GABRB1: variants seen among roughly 807,000 people sequenced by gnomAD.
GABRB1 encodes the protein gamma-aminobutyric acid type A receptor subunit beta1.
In GABRB1, 17 loss-of-function variants were observed where a neutral mutation model predicts 51.6. The ratio of observed to expected loss-of-function variants is 0.33; its 90% CI spans 0.23 to 0.49. GABRB1 has a LOEUF of 0.49. Ranked by LOEUF, GABRB1 falls within the 20% of genes least tolerant of loss-of-function variation. The probability of loss-of-function intolerance (pLI) is 0.99; values close to 1 mark genes in which losing one functional copy is unlikely to be tolerated. For synonymous variants in GABRB1, 247 were observed against 218.9 expected, an observed-to-expected ratio of 1.13 and a Z score of -1.14; for missense variants, 410 against 600.6, an observed-to-expected ratio of 0.68 and a Z score of 3.32.
intron 7 of GABRB1, among the ~76,000 whole-genome samples, chr4:47,405,913 A>G (rs907033204): frequency 6.6e-6 from 1 of 152,180 alleles, no homozygotes; most frequent in Admixed American, 6.5e-5. Context: ...ATAAAACAAA[A>G]TCTGTCTTTT....
chr4:47,251,430 C>T (rs796573981), intron 4 of GABRB1, among the ~76,000 whole-genome samples: 32 of 152,222 alleles, frequency 2.1e-4, no homozygotes, highest in African/African-American at 7.0e-4. Flanking sequence ...GGCCTCCTGC[C>T]AGGAGGTGGT....
intron 5 of GABRB1, among the ~76,000 whole-genome samples, chr4:47,342,319 G>A (rs562341770): frequency 6.6e-6 from 1 of 152,172 alleles, no homozygotes; most frequent in African/African-American, 2.4e-5. Context: ...TGGAATTTCT[G>A]TAATTCACTG....
intron 4 of GABRB1, among the ~76,000 whole-genome samples, chr4:47,222,488 A>C (rs1720803067): frequency 6.6e-6 from 1 of 152,104 alleles, no homozygotes; most frequent in Admixed American, 6.6e-5. Flanking sequence ...GCATCTCTGC[A>C]TTAGGCCTTG....
rs537216616 is a variant in GABRB1 at position 47,153,255 on chromosome 4, A to T, written c.241-7994A>T. On this transcript the variant is annotated intron_variant, in intron 3 of 8. Coordinates refer to ENST00000295454, the MANE Select transcript of GABRB1 (RefSeq NM_000812.4). ...ACAACCATTAAAAGTTGAAAGAATG[A>T]ATTAGCCATTCTAACAAGCTAAAAT... Among the ~76,000 whole-genome samples the T allele has an allele frequency of 2.6e-5, 4 of 152,162 alleles. No homozygotes were observed. The South Asian group carries it at 8.3e-4, about 32-fold the overall frequency.
At chr4:47,126,875 G>T (rs1299200844) in intron 3 of GABRB1, among the ~76,000 whole-genome samples, 1 of 151,980 alleles carries the variant, frequency 6.6e-6, no homozygotes, top group African/African-American at 2.4e-5. Flanking sequence ...AGCCAAACCA[G>T]TAGAAAGAGG....
intron 3 of GABRB1, among the ~76,000 whole-genome samples, chr4:47,053,590 C>T (rs1023520959): frequency 1.3e-5 from 2 of 152,172 alleles, no homozygotes; most frequent in Admixed American, 6.5e-5. Flanking sequence ...AAACATTCAG[C>T]TATAGCAGTC....
chr4:47,318,705 CT>C (rs1461160254), intron 4 of GABRB1, among the ~76,000 whole-genome samples: 1 of 152,060 alleles, frequency 6.6e-6, no homozygotes, highest in Non-Finnish European at 1.5e-5. Flanking sequence ...TCCATTTTCT[CT>C]TGCCTGGGAT....
chr4:47,362,313 G>A (rs2110010804), intron 5 of GABRB1, among the ~76,000 whole-genome samples: 1 of 152,212 alleles, frequency 6.6e-6, no homozygotes, highest in Non-Finnish European at 1.5e-5. Flanking sequence ...AATGGACACA[G>A]GAATTATGGA....
At chr4:47,339,431 T>G (rs1725805797) in intron 5 of GABRB1, among the ~76,000 whole-genome samples, 1 of 152,200 alleles carries the variant, frequency 6.6e-6, no homozygotes, top group South Asian at 2.1e-4. Flanking sequence ...TTCAGTGCCC[T>G]GGAAGTTACT....
chr4:46,998,209 T>C (rs1459961685), intron 1 of GABRB1, among the ~76,000 whole-genome samples: 1 of 152,202 alleles, frequency 6.6e-6, no homozygotes, highest in East Asian at 1.9e-4. Flanking sequence ...ATTGTGACAA[T>C]ACTATTATCT....
intron 3 of GABRB1, among the ~76,000 whole-genome samples, chr4:47,138,057 A>G (rs1257953804): frequency 1.3e-5 from 2 of 152,102 alleles, no homozygotes; most frequent in African/African-American, 4.8e-5. Flanking sequence ...TGTTTTGTTG[A>G]TATGTATTCA....
chr4:47,383,486 T>C (rs2110031590), intron 5 of GABRB1, among the ~76,000 whole-genome samples: 1 of 151,952 alleles, frequency 6.6e-6, no homozygotes, highest in Non-Finnish European at 1.5e-5. Context: ...TGATAGATTA[T>C]ACCTAAAAAA....
chr4:47,161,250 A>T lies in GABRB1; in HGVS notation c.242A>T (p.Asp81Val). 1 of 1,576,476 alleles carries T rather than the reference A, an allele frequency of 6.3e-7. No homozygotes were observed. The highest frequency in any genetic ancestry group is 8.7e-7 in the Non-Finnish European group (1 of 1,151,044). ...SIDMVSEVNM[D>V]YTLTMYFQQS... ...TTTTTTGCTTTCTTTATTTCACAGG[A>T]TTATACACTCACCATGTATTTCCAG... The change falls in exon 4 of 9, where the codon GAT becomes GTT. Residue 81 changes from aspartate to valine, a missense_variant and splice_region_variant. By Grantham distance (152) the Asp-to-Val change is radical (BLOSUM62 -3). This residue lies in a region of GABRB1 where 100 missense variants were observed against 184.3 expected (regional missense o/e 0.54). Transcript: ENST00000295454.
intron 4 of GABRB1, among the ~76,000 whole-genome samples, chr4:47,223,843 C>CTG (rs916611923): frequency 1.3e-5 from 2 of 152,232 alleles, no homozygotes; most frequent in African/African-American, 4.8e-5. Flanking sequence ...ATTGAGAAAT[C>CTG]TGTCTTCAGT....
At chr4:47,111,992 C>T (rs1166195583) in intron 3 of GABRB1, among the ~76,000 whole-genome samples, 5 of 133,920 alleles carry the variant, frequency 3.7e-5, no homozygotes, top group African/African-American at 5.7e-5. Context: ...TTTTATGAGA[C>T]GGAATCTCGT....
intron 8 of GABRB1, among the ~76,000 whole-genome samples, chr4:47,413,850 C>T (rs1426474523): frequency 6.6e-6 from 1 of 152,198 alleles, no homozygotes; most frequent in African/African-American, 2.4e-5. Flanking sequence ...TAGATCCAGA[C>T]ATTCGGAGAG....
At chr4:47,388,629 C>T (rs1056324638) in intron 5 of GABRB1, among the ~76,000 whole-genome samples, 19 of 152,226 alleles carry the variant, frequency 1.2e-4, no homozygotes, top group African/African-American at 4.6e-4. Flanking sequence ...ACCTTGGGGA[C>T]AGGTCTGTGC....
rs186567238 is a variant in GABRB1, at chr4:47,311,609, C to T, written c.462-8518C>T. On this transcript the variant is annotated intron_variant, in intron 4 of 8. Transcript: ENST00000295454. ...CAGATAAATAAGTTCTCCCTTAGAG[C>T]CTCCAGGAGGAACACAGCCCTGCTA... is the stretch of plus-strand genomic sequence containing the variant. Among the ~76,000 whole-genome samples the T allele has an allele frequency of 3.5e-4, 54 of 152,162 alleles. 1 individual carries two copies. Among genetic ancestry groups the T allele is most frequent in the African/African-American group, 1.2e-3 (50 of 41,512 alleles).
rs1024001865 is a variant in GABRB1, at chr4:47,195,210, C to T, written c.461+33741C>T. 5.3e-5 allele frequency among the ~76,000 whole-genome samples: 8 copies of T among 152,058 alleles called. No individual in the cohort carries two copies. In the East Asian group the frequency reaches 1.6e-3, roughly 29 times the overall value. ...TGAAACCCCGTCTCTACTAAAAATA[C>T]GAAAAAATTAGCCGGGCATTGTGGC... On this transcript the variant is annotated intron_variant, in intron 4 of 8. Transcript: ENST00000295454.
Sources: allele counts gnomAD v4.1 joint callset (sites outside exome capture counted in the v4.1 genomes callset), GRCh38; gene constraint gnomAD v4.1.1; regional missense constraint gnomAD v4.1.1; transcripts MANE v1.5; gene names NCBI Gene and HGNC (gene_info 2026-07-23, HGNC 2026-07-21).